Variants in STK3 observed in about 807,000 individuals in gnomAD.
STK3 encodes serine/threonine kinase 3.
STK3 carries 41 observed loss-of-function variants against 58.0 expected under a neutral mutation model. The observed-to-expected ratio is 0.71, with a 90% CI of 0.55 to 0.92. The LOEUF (loss-of-function observed/expected upper bound fraction) is 0.92, where lower values mean the gene tolerates loss of function less well. Ranked by LOEUF, STK3 falls within the 40% of genes least tolerant of loss-of-function variation. The pLI is 0.00. For missense variants in STK3, 479 were observed against 602.7 expected, an observed-to-expected ratio of 0.79 and a Z score of 2.15; for synonymous variants, 170 against 191.0, an observed-to-expected ratio of 0.89 and a Z score of 0.91.
chr8:98,697,390 C>A (rs1167989271), intron 6 of STK3, among the ~76,000 whole-genome samples: 1 of 152,036 alleles, frequency 6.6e-6, no homozygotes, highest in African/African-American at 2.4e-5. Flanking sequence ...TACTTCTTGC[C>A]TTCTGCTAGC....
chr8:98,579,429 T>C (rs1328871382), intron 8 of STK3, among the ~76,000 whole-genome samples: 1 of 152,176 alleles, frequency 6.6e-6, no homozygotes, highest in Non-Finnish European at 1.5e-5. Flanking sequence ...ATCAACTAGA[T>C]ACTAGGTACT....
chr8:98,741,344 A>G (rs1175466520), intron 4 of STK3, among the ~76,000 whole-genome samples: 25 of 152,196 alleles, frequency 1.6e-4, no homozygotes, highest in Admixed American at 1.6e-3. Flanking sequence ...CATAGTTGGA[A>G]GTAAAGCTCT....
At position 98,560,271 on chromosome 8, in the gene STK3, T is replaced by C. The variant is rs367778938; in HGVS notation, c.949-12110A>G. On this transcript the variant is annotated intron_variant, in intron 8 of 10. Transcript: ENST00000419617. ...AGTTATAAAGATTGGAAAGAAACTA[T>C]CTATATTTGCAGATGACATCATTGT... Among the ~76,000 whole-genome samples, 145 of 152,126 alleles carry C rather than the reference T, an allele frequency of 9.5e-4. 1 individual carries two copies. Among genetic ancestry groups the C allele is most frequent in the African/African-American group, 3.1e-3 (127 of 41,514 alleles).
At chr8:98,410,289 C>A (rs576855482) in intron 3 of STK3, among the ~76,000 whole-genome samples, 2 of 152,086 alleles carry the variant, frequency 1.3e-5, no homozygotes. Flanking sequence ...CTCATGTGAA[C>A]GCCGTCCTCT....
In STK3 at chr8:98,905,869, T is replaced by C. The variant is rs191885818; in HGVS notation, c.-78-22035A>G. The stretch of plus-strand genomic sequence containing the variant: ...GCGCAGCCACATGGTAGAAGGAGAT[T>C]TATGGACAGAAAAAGGAAAGTGATG... On this transcript the variant is annotated intron_variant, in intron 1 of 1. Coordinates refer to the STK3 transcript ENST00000519420. Among the ~76,000 whole-genome samples the C allele has an allele frequency of 1.5e-4, 23 of 152,152 alleles. No homozygotes were observed. In the East Asian group the frequency reaches 4.3e-3, roughly 28 times the overall value.
intron 10 of STK3, among the ~76,000 whole-genome samples, chr8:98,517,516 G>A (rs776186542): frequency 5.9e-5 from 9 of 152,060 alleles, no homozygotes; most frequent in Non-Finnish European, 1.2e-4. Flanking sequence ...AGATAGACAT[G>A]AGAAGTATGA....
At chr8:98,618,047 T>C (rs1219541780) in intron 6 of STK3, among the ~76,000 whole-genome samples, 2 of 151,800 alleles carry the variant, frequency 1.3e-5, no homozygotes, top group Non-Finnish European at 2.9e-5. Context: ...TGATGAACAT[T>C]GATGCAAAAA....
At chr8:98,904,668 T>G in intron 1 of STK3, 1 of 655,448 alleles carries the variant, frequency 1.5e-6, no homozygotes, top group Non-Finnish European at 2.8e-6. Flanking sequence ...TGTAGAGAAT[T>G]CCGTGTAGCT....
At chr8:98,370,212 A>G (rs1421716089), downstream of STK3, among the ~76,000 whole-genome samples, 3 of 150,656 alleles carry the variant, frequency 2.0e-5, no homozygotes, top group East Asian at 2.0e-4. Context: ...CAGGTCTTTA[A>G]TGTTTGTTGG....
At chr8:98,577,545 C>T (rs1324687920) in intron 8 of STK3, among the ~76,000 whole-genome samples, 2 of 152,010 alleles carry the variant, frequency 1.3e-5, no homozygotes, top group Non-Finnish European at 2.9e-5. Flanking sequence ...CAGTATTTAA[C>T]TCCTGAGACT....
At chr8:98,643,981 C>T (rs758679528) in intron 6 of STK3, among the ~76,000 whole-genome samples, 1 of 152,120 alleles carries the variant, frequency 6.6e-6, no homozygotes, top group African/African-American at 2.4e-5. Context: ...CACCACTGCA[C>T]TCCAGCATAG....
At position 98,857,176 on chromosome 8, in the gene STK3, C is replaced by T. The variant is rs374339860; in HGVS notation, c.110+26471G>A. 1.2e-4 allele frequency among the ~76,000 whole-genome samples: 19 copies of T among 152,124 alleles called. No homozygotes were observed. In the South Asian group the frequency reaches 3.7e-3, roughly 30 times the overall value. On this transcript the variant is annotated intron_variant, in intron 3 of 12. Coordinates refer to the STK3 transcript ENST00000523601. ...TATTTGTGAACGTACTAAAGGCCAC[C>T]GAATCACACACTTTAAAGGGTGAAT...
At chr8:98,682,563 T>G (rs956960192) in intron 6 of STK3, among the ~76,000 whole-genome samples, 2 of 152,154 alleles carry the variant, frequency 1.3e-5, no homozygotes, top group Non-Finnish European at 2.9e-5. Context: ...TGATCCCAGA[T>G]GTAATAAAGA....
chr8:98,498,500 A>G (rs898044276), intron 10 of STK3, among the ~76,000 whole-genome samples: 10 of 152,194 alleles, frequency 6.6e-5, no homozygotes, highest in Non-Finnish European at 1.3e-4. Flanking sequence ...AATTTTGTCC[A>G]TAAGATAAGT....
chr8:98,838,608 T>C (rs1285335826), intron 3 of STK3, among the ~76,000 whole-genome samples: 2 of 152,196 alleles, frequency 1.3e-5, no homozygotes, highest in African/African-American at 2.4e-5. Context: ...AGTCTGAGCA[T>C]GTGATACATT....
chr8:98,903,789 C>T (rs1838777541), intron 1 of STK3, among the ~76,000 whole-genome samples: 1 of 152,020 alleles, frequency 6.6e-6, no homozygotes, highest in Non-Finnish European at 1.5e-5. Flanking sequence ...AGCAAAGACC[C>T]CAAATCATAG....
intron 1 of STK3, among the ~76,000 whole-genome samples, chr8:98,889,062 A>G (rs1838100412): frequency 6.6e-6 from 1 of 152,240 alleles, no homozygotes; most frequent in Non-Finnish European, 1.5e-5. Flanking sequence ...TATAACTTAA[A>G]ACAGAGCGAC....
chr8:98,777,874 T>C (rs935016739), intron 1 of STK3, among the ~76,000 whole-genome samples: 1 of 152,270 alleles, frequency 6.6e-6, no homozygotes, highest in South Asian at 2.1e-4. Flanking sequence ...ATACAAAAAT[T>C]AATTCAAGAT....
At chr8:98,363,104 C>A in the STK3 span, among the ~76,000 whole-genome samples, 1 of 152,238 alleles carries the variant, frequency 6.6e-6, no homozygotes, top group Admixed American at 6.5e-5. Context: ...AAAGCCTACA[C>A]ATGCTTGCAA....
Sources: allele counts gnomAD v4.1 joint callset (sites outside exome capture counted in the v4.1 genomes callset), GRCh38; gene constraint gnomAD v4.1.1; transcripts MANE v1.5; gene names NCBI Gene and HGNC (gene_info 2026-07-23, HGNC 2026-07-21).